The following PRDM16 variants were observed in gnomAD, a reference collection of about 807,000 sequenced individuals.
The protein encoded by PRDM16 is PR/SET domain 16.
A neutral mutation model predicts 110.6 loss-of-function variants in PRDM16; 23 were observed. The ratio of observed to expected loss-of-function variants is 0.21; its 90% CI spans 0.15 to 0.29. The LOEUF is 0.29. Ranked by LOEUF, PRDM16 falls within the 10% of genes least tolerant of loss-of-function variation. The probability of loss-of-function intolerance (pLI) is 1.00; values close to 1 mark genes in which losing one functional copy is unlikely to be tolerated. For synonymous variants in PRDM16, 799 were observed against 781.8 expected, an observed-to-expected ratio of 1.02 and a Z score of -0.37; for missense variants, 1,615 against 1,794.3, an observed-to-expected ratio of 0.90 and a Z score of 1.81.
At chr1:3,367,862 AAAG>A (rs140361845) in intron 3 of PRDM16, among the ~76,000 whole-genome samples, 1,562 of 152,366 alleles carry the variant, frequency 0.01, 29 homozygotes, top group African/African-American at 0.036. Context: ...CTTGTCTTCA[AAAG>A]AAGGCATTTG....
intron 1 of PRDM16, among the ~76,000 whole-genome samples, chr1:3,174,175 T>G (rs1379527039): frequency 1.3e-5 from 2 of 152,142 alleles, no homozygotes; most frequent in Non-Finnish European, 2.9e-5. Context: ...CAGGCATTCC[T>G]TGGCTCGGGG....
chr1:3,402,874 G>T lies in PRDM16; in HGVS notation c.760G>T (p.Gly254Cys). The change falls in exon 6 of 17, where the codon GGC becomes TGC. Residue 254 changes from glycine (G) to cysteine (C), a missense_variant. Coordinates refer to ENST00000270722, the MANE Select transcript of PRDM16 (RefSeq NM_022114.4). ...GCGGCGCCATAAGAAGTACACGTGT[G>T]GCTCAGTGGGGGCTGCGCTCTACGA... is the stretch of plus-strand genomic sequence containing the variant. The part of the protein sequence containing the change: ...DLRRHKKYTC[G>C]SVGAALYEGL... The T allele has an allele frequency of 6.2e-7, 1 of 1,613,088 alleles. No homozygotes were observed. The highest frequency in any genetic ancestry group is 1.1e-5 in the South Asian group (1 of 91,086).
At chr1:3,124,871 C>T (rs947474402) in intron 1 of PRDM16, among the ~76,000 whole-genome samples, 2 of 151,842 alleles carry the variant, frequency 1.3e-5, no homozygotes, top group African/African-American at 4.9e-5. Flanking sequence ...TGCTCCCATC[C>T]GGGCAGCCCT....
chr1:3,262,220 G>T (rs1389565409), intron 3 of PRDM16, among the ~76,000 whole-genome samples: 1 of 152,238 alleles, frequency 6.6e-6, no homozygotes, highest in East Asian at 1.9e-4. Context: ...GCACAGACAT[G>T]AGGCTCCTGT....
chr1:3,141,182 C>T (rs112696799), intron 1 of PRDM16, among the ~76,000 whole-genome samples: 3 of 152,146 alleles, frequency 2.0e-5, no homozygotes, highest in East Asian at 1.9e-4. Flanking sequence ...ATCCTCCGTC[C>T]GCCCGCTTCT....
intron 2 of PRDM16, among the ~76,000 whole-genome samples, chr1:3,219,019 C>G (rs907287735): frequency 6.6e-6 from 1 of 152,220 alleles, no homozygotes; most frequent in South Asian, 2.1e-4. Flanking sequence ...CGTCCAGTGC[C>G]GGGCTGAGCG....
rs148414900 is a variant in PRDM16 at position 3,416,878 on chromosome 1, C to A, written c.2692-950C>A. 4.3e-4 allele frequency among the ~76,000 whole-genome samples: 66 copies of A among 152,304 alleles called. 1 individual carries two copies. The East Asian group carries it at 0.013, about 29-fold the overall frequency. ...TCTTCCTTTTCAGCCCCTGTGCAGC[C>A]CCCTACAGGGCCTGGCACACAGCAG... is the stretch of plus-strand genomic sequence containing the variant. On this transcript the variant is annotated intron_variant, in intron 10 of 16. Coordinates refer to ENST00000270722, the MANE Select transcript of PRDM16 (RefSeq NM_022114.4).
chr1:3,289,125 G>T (rs570678333), intron 3 of PRDM16, among the ~76,000 whole-genome samples: 1 of 152,324 alleles, frequency 6.6e-6, no homozygotes, highest in South Asian at 2.1e-4. Context: ...TGTGCTTGTC[G>T]CCCGGCCCCT....
chr1:3,125,988 C>T (rs979736955), intron 1 of PRDM16, among the ~76,000 whole-genome samples: 3 of 152,230 alleles, frequency 2.0e-5, no homozygotes, highest in Non-Finnish European at 2.9e-5. Flanking sequence ...GTTTGAGTGG[C>T]GGATCTTCCT....
chr1:3,405,750 G>A (rs1459957251), intron 8 of PRDM16, 102 bp downstream of exon 8: 3 of 1,284,838 alleles, frequency 2.3e-6, no homozygotes, highest in African/African-American at 1.5e-5. Flanking sequence ...CGATCCGAGG[G>A]GCCCCAGTTT....
intron 1 of PRDM16, among the ~76,000 whole-genome samples, chr1:3,185,801 A>G (rs967865211): frequency 5.3e-5 from 8 of 152,232 alleles, no homozygotes; most frequent in Admixed American, 4.6e-4. Flanking sequence ...CCCTTAGGGC[A>G]GGACCACCCG....
intron 1 of PRDM16, among the ~76,000 whole-genome samples, chr1:3,154,108 G>A (rs1473585802): frequency 6.6e-6 from 1 of 152,132 alleles, no homozygotes; most frequent in Non-Finnish European, 1.5e-5. Flanking sequence ...TAGAGCTGCC[G>A]GGTCCCACTG....
At chr1:3,281,473 A>G (rs546407201) in intron 3 of PRDM16, among the ~76,000 whole-genome samples, 1 of 152,248 alleles carries the variant, frequency 6.6e-6, no homozygotes, top group South Asian at 2.1e-4. Context: ...CTTGAAACTT[A>G]TCAGTCATTC....
intron 2 of PRDM16, among the ~76,000 whole-genome samples, chr1:3,187,402 G>T (rs537852603): frequency 3.1e-4 from 47 of 152,324 alleles, no homozygotes; most frequent in African/African-American, 1.1e-3. Context: ...TGGGCAAATG[G>T]CCTGAGCAGG....
At chr1:3,203,945 G>A (rs1300437867) in intron 2 of PRDM16, among the ~76,000 whole-genome samples, 2 of 152,138 alleles carry the variant, frequency 1.3e-5, no homozygotes, top group Non-Finnish European at 2.9e-5. Context: ...TGCACACCTG[G>A]TCCCCACGTC....
At position 3,175,494 on chromosome 1, in the gene PRDM16, A is replaced by C. The variant is rs1045384510; in HGVS notation, c.38-10631A>C. ...GGGGCAGGATGGCCCTTCACTGCTC[A>C]TGGGGACTCATAGGCACCCAGTTGG... is the stretch of plus-strand genomic sequence containing the variant. On this transcript the variant is annotated intron_variant, in intron 1 of 16. Transcript: ENST00000270722. This position sits in a 1 kb window ranked among gnomAD's most constrained non-coding sequence, Gnocchi z 4.8. 6.6e-6 allele frequency among the ~76,000 whole-genome samples: 1 copy of C among 152,046 alleles called. No individual in the cohort carries two copies. The highest frequency in any genetic ancestry group is 6.5e-5 in the Admixed American group (1 of 15,272).
At chr1:3,142,727 G>C (rs572406981) in intron 1 of PRDM16, among the ~76,000 whole-genome samples, 1 of 152,066 alleles carries the variant, frequency 6.6e-6, no homozygotes, top group Non-Finnish European at 1.5e-5. Flanking sequence ...GATGTGGACC[G>C]TATTAACTGG....
chr1:3,436,026 T>C lies in PRDM16; in HGVS notation c.*2215T>C, dbSNP rs1638900500. 2 of 230,328 alleles carry C rather than the reference T, an allele frequency of 8.7e-6. No individual in the cohort carries two copies. Among genetic ancestry groups the C allele is most frequent in the East Asian group, 1.2e-4 (2 of 16,276 alleles). The allele number at this position is 230,328 out of a possible 1,614,324, so 14.3% of individuals were successfully genotyped here. On this transcript the variant is annotated 3_prime_UTR_variant, in exon 17 of 17. Transcript: ENST00000270722. ...TCTGCAAACACAACTGCTCAGGCCT[T>C]CTCACGCGTTTCCACAACATCCCCT...
intron 1 of PRDM16, among the ~76,000 whole-genome samples, chr1:3,086,665 C>T (rs1008759104): frequency 2.6e-5 from 4 of 152,180 alleles, no homozygotes; most frequent in African/African-American, 7.2e-5. Flanking sequence ...CGGCCACTGA[C>T]GCCCTCCACC....
Sources: allele counts gnomAD v4.1 joint callset (sites outside exome capture counted in the v4.1 genomes callset), GRCh38; gene constraint gnomAD v4.1.1; non-coding constraint Gnocchi (gnomAD v3.1); transcripts MANE v1.5; gene names NCBI Gene and HGNC (gene_info 2026-07-23, HGNC 2026-07-21).